The following METTL24 variants were observed in gnomAD, a reference collection of about 807,000 sequenced individuals.
The protein encoded by METTL24 is probable methyltransferase-like protein 24.
In METTL24, 29 loss-of-function variants were observed where a neutral mutation model predicts 32.7. The observed-to-expected ratio is 0.89, with a 90% confidence interval of 0.66 to 1.21. The LOEUF (loss-of-function observed/expected upper bound fraction) is 1.21, where lower values mean the gene tolerates loss of function less well. Among genes scored for constraint, METTL24 ranks in the 50% most tolerant of loss-of-function variants. METTL24 has a pLI of 0.00. For missense variants in METTL24, 439 were observed against 468.1 expected (o/e 0.94, Z 0.57); for synonymous variants, 163 against 179.5 (o/e 0.91, Z 0.73).
At chr6:110,277,726 A>G (rs1469664741) in intron 4 of METTL24, among the ~76,000 whole-genome samples, 1 of 152,144 alleles carries the variant, frequency 6.6e-6, no homozygotes, top group Non-Finnish European at 1.5e-5. Context: ...TAAATCCATA[A>G]TCTCTTATTC....
intron 3 of METTL24, among the ~76,000 whole-genome samples, chr6:110,306,868 C>T (rs573724980): frequency 6.6e-6 from 1 of 152,138 alleles, no homozygotes; most frequent in Non-Finnish European, 1.5e-5. Flanking sequence ...TATGCCACCT[C>T]GTTGCTGATG....
chr6:110,322,521 A>G (rs1247345127), intron 2 of METTL24, among the ~76,000 whole-genome samples: 1 of 152,228 alleles, frequency 6.6e-6, no homozygotes, highest in Non-Finnish European at 1.5e-5. Context: ...GATCTTTAAA[A>G]CACTTTGGGA....
At chr6:110,325,446 G>A (rs879489457) in intron 1 of METTL24, among the ~76,000 whole-genome samples, 1 of 152,226 alleles carries the variant, frequency 6.6e-6, no homozygotes, top group Non-Finnish European at 1.5e-5. Context: ...CAGCAGGCTG[G>A]ATTGGGCCTG....
chr6:110,248,307 G>A (rs944353523), intron 4 of METTL24, among the ~76,000 whole-genome samples: 1 of 152,174 alleles, frequency 6.6e-6, no homozygotes, highest in Non-Finnish European at 1.5e-5. Flanking sequence ...GGTGATTTCA[G>A]AGTTGAATGC....
At chr6:110,294,881 GC>G (rs1182403437) in intron 4 of METTL24, among the ~76,000 whole-genome samples, 1 of 151,898 alleles carries the variant, frequency 6.6e-6, no homozygotes, top group East Asian at 1.9e-4. Flanking sequence ...ATTTCCAGCA[GC>G]AAAGTGTATT....
At chr6:110,274,802 C>CTTTTTTTTT (rs1196371607) in intron 4 of METTL24, among the ~76,000 whole-genome samples, 7 of 90,086 alleles carry the variant, frequency 7.8e-5, no homozygotes, top group African/African-American at 1.3e-4. Context: ...TTCGTTCTTT[C>CTTTTTTTTT]TTTTTTTTTT....
intron 4 of METTL24, among the ~76,000 whole-genome samples, chr6:110,294,248 T>C (rs1334419121): frequency 1.3e-5 from 2 of 152,036 alleles, no homozygotes; most frequent in Non-Finnish European, 2.9e-5. Context: ...GTTCATTATA[T>C]TCCAGCAACA....
chr6:110,248,361 T>A (rs1400163551), intron 4 of METTL24, among the ~76,000 whole-genome samples: 1 of 152,102 alleles, frequency 6.6e-6, no homozygotes, highest in African/African-American at 2.4e-5. Flanking sequence ...TACAAGAAAA[T>A]GGGCTCTGTC....
intron 1 of METTL24, among the ~76,000 whole-genome samples, chr6:110,333,783 A>G (rs909096323): frequency 2.0e-5 from 3 of 152,200 alleles, no homozygotes; most frequent in African/African-American, 7.2e-5. Context: ...TCTTTTGTAT[A>G]CAGCACTGAG....
intron 1 of METTL24, among the ~76,000 whole-genome samples, chr6:110,356,466 GAAAAGAAAAGA>G (rs939160511): frequency 5.3e-5 from 8 of 150,390 alleles, no homozygotes; most frequent in South Asian, 2.1e-4. Flanking sequence ...AAAAAGAAAA[GAAAAGAAAAGA>G]AAAAGAAAAG....
chr6:110,287,304 T>C (rs759297706), intron 4 of METTL24, among the ~76,000 whole-genome samples: 5 of 152,124 alleles, frequency 3.3e-5, no homozygotes. Context: ...GTCCTTAGGG[T>C]CCACTGCAGA....
At chr6:110,346,368 AG>A (rs1232405214) in intron 1 of METTL24, among the ~76,000 whole-genome samples, 1 of 152,236 alleles carries the variant, frequency 6.6e-6, no homozygotes, top group Non-Finnish European at 1.5e-5. Context: ...AGTTAAAGCA[AG>A]AAAAAATTGT....
rs1778108247 is a variant in METTL24 at position 110,244,396 on chromosome 6, TTATTCAGGTA to T, written c.*1540_*1549del. ...TTTTTTTTCTGTGAACAAATAAACT[TTATTCAGGTA>T]TAAAAAGCAAGTGCTTTTTCAAATA... is the stretch of plus-strand genomic sequence containing the variant. On this transcript the variant is annotated 3_prime_UTR_variant, in exon 5 of 5. Coordinates refer to ENST00000338882, the MANE Select transcript of METTL24 (RefSeq NM_001123364.3). Among the ~76,000 whole-genome samples, 1 of 152,064 alleles carries T rather than the reference TTATTCAGGTA, an allele frequency of 6.6e-6. No homozygotes were observed. Among genetic ancestry groups the T allele is most frequent in the South Asian group, 2.1e-4 (1 of 4,830 alleles).
intron 3 of METTL24, among the ~76,000 whole-genome samples, 177 bp from the exon 4 acceptor site, chr6:110,299,327 C>T (rs1771480483): frequency 6.6e-6 from 1 of 152,104 alleles, no homozygotes; most frequent in African/African-American, 2.4e-5. Context: ...CATTATTGCT[C>T]AAAGCTTCTG....
chr6:110,299,348 A>G (rs933722019), intron 3 of METTL24, among the ~76,000 whole-genome samples, 198 bp from the exon 4 acceptor site: 3 of 152,248 alleles, frequency 2.0e-5, no homozygotes, highest in African/African-American at 7.2e-5. Context: ...GATAAAAGAT[A>G]AATTATCTGC....
intron 4 of METTL24, among the ~76,000 whole-genome samples, chr6:110,266,167 A>G (rs547170031): frequency 8.5e-5 from 13 of 152,172 alleles, no homozygotes; most frequent in Admixed American, 4.6e-4. Flanking sequence ...AAACTCCCAA[A>G]ATGCTGCAAT....
At chr6:110,294,052 T>G (rs1771366909) in intron 4 of METTL24, among the ~76,000 whole-genome samples, 1 of 152,042 alleles carries the variant, frequency 6.6e-6, no homozygotes, top group African/African-American at 2.4e-5. Context: ...AAACAATACA[T>G]ACAAATGGAT....
intron 3 of METTL24, among the ~76,000 whole-genome samples, chr6:110,299,362 A>G (rs1771480884): frequency 6.6e-6 from 1 of 152,236 alleles, no homozygotes; most frequent in Admixed American, 6.5e-5. Flanking sequence ...TATCTGCTAG[A>G]CAAAGACCAG....
intron 4 of METTL24, among the ~76,000 whole-genome samples, chr6:110,278,681 G>T (rs1352559026): frequency 2.0e-5 from 3 of 152,066 alleles, no homozygotes; most frequent in Non-Finnish European, 4.4e-5. Context: ...CAATTATAAG[G>T]GAGTTGCATT....
Sources: gnomAD v4.1 joint callset for allele counts (sites outside exome capture counted in the v4.1 genomes callset) on GRCh38, gnomAD v4.1.1 for gene constraint, MANE v1.5 for transcripts, NCBI Gene and HGNC (gene_info 2026-07-23, HGNC 2026-07-21) for gene names.